DBF4: variants seen among roughly 807,000 people sequenced by gnomAD.
The protein encoded by DBF4 is DBF4-CDC7 kinase regulatory subunit.
Under a neutral mutation model 76.6 loss-of-function variants are expected in DBF4, and 25 were observed. The ratio of observed to expected loss-of-function variants is 0.33; its 90% confidence interval spans 0.24 to 0.46. The LOEUF is 0.46. Ranked by LOEUF, DBF4 falls within the 20% of genes least tolerant of loss-of-function variation. DBF4 has a pLI of 1.00. For missense variants in DBF4, 638 were observed against 760.8 expected, an observed-to-expected ratio of 0.84 and a Z score of 1.90; for synonymous variants, 213 against 258.0, an observed-to-expected ratio of 0.83 and a Z score of 1.67.
chr7:87,876,493 A>G lies in DBF4; in HGVS notation c.-240A>G. 2.2e-6 allele frequency: 1 copy of G among 463,722 alleles called. No individual in the cohort carries two copies. The highest frequency in any genetic ancestry group is 3.9e-6 in the Non-Finnish European group (1 of 258,650). 28.7% of individuals were successfully genotyped at this position (463,722 alleles called of 1,614,324 possible). ...CGCCGCGGCCGCGTGACGCGTTTTC[A>G]AATCTTCAACCGCCGCAGCCCACTC... is the stretch of plus-strand genomic sequence containing the variant. On this transcript the variant is annotated 5_prime_UTR_variant, in exon 1 of 12. Coordinates refer to ENST00000265728, the MANE Select transcript of DBF4 (RefSeq NM_006716.4).
At chr7:87,888,396 T>G (rs1839413180) in intron 6 of DBF4, 1 of 845,708 alleles carries the variant, frequency 1.2e-6, no homozygotes, top group Non-Finnish European at 1.4e-6. Flanking sequence ...TTTTGGAATA[T>G]AAATATGTAC....
chr7:87,908,650 G>A lies in DBF4; in HGVS notation c.*487G>A, dbSNP rs1839967527. ...CACTTGAGGGTCACTGGTGGACCAT[G>A]CTAGTATTTTGGTGCTGAGTAATTA... On this transcript the variant is annotated 3_prime_UTR_variant, in exon 12 of 12. Coordinates refer to ENST00000265728, the MANE Select transcript of DBF4 (RefSeq NM_006716.4). 1 of 152,820 alleles carries A rather than the reference G, an allele frequency of 6.5e-6. No individual in the cohort carries two copies. Among genetic ancestry groups the A allele is most frequent in the African/African-American group, 2.4e-5 (1 of 41,458 alleles). 9.5% of individuals were successfully genotyped at this position (152,820 alleles called of 1,614,324 possible). A position where few individuals can be genotyped will look rare whatever the true frequency, so the allele number is the denominator to read the frequency against.
At chr7:87,892,365 T>G (rs964241811) in intron 6 of DBF4, among the ~76,000 whole-genome samples, 2 of 152,236 alleles carry the variant, frequency 1.3e-5, no homozygotes, top group Non-Finnish European at 2.9e-5. Flanking sequence ...TTGATTGGCT[T>G]CTTTCACTTG....
chr7:87,896,388 T>A (rs1436061405), intron 6 of DBF4, 86 bp from the exon 7 acceptor site: 1 of 1,027,482 alleles, frequency 9.7e-7, no homozygotes, highest in Admixed American at 2.2e-5. Context: ...TGCATGATTT[T>A]TTTATCTTGA....
At chr7:87,901,450 T>TTTA (rs1839787446) in intron 10 of DBF4, among the ~76,000 whole-genome samples, 1 of 152,184 alleles carries the variant, frequency 6.6e-6, no homozygotes, top group African/African-American at 2.4e-5. Flanking sequence ...GTGGATTTGT[T>TTTA]TTAAAGGTGG....
intron 7 of DBF4, among the ~76,000 whole-genome samples, 177 bp downstream of exon 7, chr7:87,896,687 GT>G (rs943000720): frequency 1.3e-5 from 2 of 152,038 alleles, no homozygotes; most frequent in Admixed American, 6.6e-5. Flanking sequence ...TCAGAATGAT[GT>G]TTTTTTTAAA....
At chr7:87,891,104 A>C (rs1839473970) in intron 6 of DBF4, among the ~76,000 whole-genome samples, 1 of 151,838 alleles carries the variant, frequency 6.6e-6, no homozygotes, top group South Asian at 2.1e-4. Flanking sequence ...TCTTATTTAA[A>C]ATATGGTAAT....
Position 87,909,438 on chromosome 7 carries a change from A to G in DBF4, c.*1275A>G, listed in dbSNP as rs1384786847. 6.6e-6 allele frequency: 1 copy of G among 152,152 alleles called. No individual in the cohort carries two copies. Among genetic ancestry groups the G allele is most frequent in the Admixed American group, 6.5e-5 (1 of 15,280 alleles). The allele number at this position is 152,152 out of a possible 1,614,324, so 9.4% of individuals were successfully genotyped here. A position where few individuals can be genotyped will look rare whatever the true frequency, so the allele number is the denominator to read the frequency against. On this transcript the variant is annotated 3_prime_UTR_variant, in exon 12 of 12. Transcript: ENST00000265728. ...TAATTCATATGCTTTTCCTGCATACATTATTTTGATCATTTGGATAACATC... is the reference window on the plus strand; with the variant it reads ...TAATTCATATGCTTTTCCTGCATACGTTATTTTGATCATTTGGATAACATC...
intron 6 of DBF4, among the ~76,000 whole-genome samples, chr7:87,891,645 A>G (rs184952116): frequency 1.3e-5 from 2 of 152,176 alleles, no homozygotes; most frequent in East Asian, 3.9e-4. Context: ...CATTCCTGAT[A>G]ATGCTATTTT....
At chr7:87,899,746 T>C (rs939848495) in intron 8 of DBF4, among the ~76,000 whole-genome samples, 2 of 152,226 alleles carry the variant, frequency 1.3e-5, no homozygotes, top group African/African-American at 4.8e-5. Context: ...CTTTAAGACG[T>C]TATGCTAAGT....
rs928967111 is a variant in DBF4, at chr7:87,885,176, G to A, written c.399+18G>A. On this transcript the variant is annotated intron_variant, in intron 3 of 11. Coordinates refer to ENST00000265728, the MANE Select transcript of DBF4 (RefSeq NM_006716.4). ...CAGACACAGTAAGTCTCTTAAATATGCTTTGAGACTCAGAAGGGCTATATC... is the reference window on the plus strand; with the variant it reads ...CAGACACAGTAAGTCTCTTAAATATACTTTGAGACTCAGAAGGGCTATATC... 1 of 1,572,946 alleles carries A rather than the reference G, an allele frequency of 6.4e-7. No individual in the cohort carries two copies. Among genetic ancestry groups the A allele is most frequent in the Non-Finnish European group, 8.6e-7 (1 of 1,156,070 alleles).
At position 87,876,716 on chromosome 7, in the gene DBF4, G is replaced by A. The variant is rs765787158; in HGVS notation, c.-17G>A. On this transcript the variant is annotated 5_prime_UTR_variant, in exon 1 of 12. An upstream open reading frame in the 5' UTR loses its in-frame stop. Coordinates refer to ENST00000265728, the MANE Select transcript of DBF4 (RefSeq NM_006716.4). ...ACACTTTCTCCGGACCCAGCATGTA[G>A]GTGCCGGGCGACTGCCATGAACTCC... The A allele has an allele frequency of 6.2e-7, 1 of 1,614,022 alleles. No individual in the cohort carries two copies. The highest frequency in any genetic ancestry group is 8.5e-7 in the Non-Finnish European group (1 of 1,179,992).
intron 2 of DBF4, among the ~76,000 whole-genome samples, chr7:87,881,858 T>G (rs150637386): frequency 1.1e-3 from 171 of 152,302 alleles, no homozygotes; most frequent in African/African-American, 3.9e-3. Context: ...TCAACAGAGA[T>G]AAAGTTTGAG....
At chr7:87,879,250 G>A (rs1033890784) in intron 2 of DBF4, among the ~76,000 whole-genome samples, 22 of 152,212 alleles carry the variant, frequency 1.4e-4, no homozygotes, top group Admixed American at 3.9e-4. Flanking sequence ...AGGCCCAGCC[G>A]ATTCCCAGAC....
intron 2 of DBF4, among the ~76,000 whole-genome samples, chr7:87,881,840 G>A (rs1049526222): frequency 2.1e-4 from 32 of 152,164 alleles, no homozygotes; most frequent in African/African-American, 7.0e-4. Flanking sequence ...TAACTCTGCC[G>A]TTTGGAATCA....
Position 87,907,483 on chromosome 7 carries a change from A to G in DBF4, c.1345A>G (p.Thr449Ala). Reference sequence around the variant, plus strand: ...TGAAGATGACATAAGACAGAATTTTACACAGCTACCTCTACATAAAAACAA... The same window carrying G: ...TGAAGATGACATAAGACAGAATTTTGCACAGCTACCTCTACATAAAAACAA... ...TAEDDIRQNF[T>A]QLPLHKNKQE... Residue 449 changes from threonine to alanine, a missense_variant, in exon 12 of 12, where the codon ACA becomes GCA. By Grantham distance (58) the Thr-to-Ala change is moderately conservative. Coordinates refer to ENST00000265728, the MANE Select transcript of DBF4 (RefSeq NM_006716.4). The G allele has an allele frequency of 6.2e-7, 1 of 1,614,022 alleles. No homozygotes were observed.
At chr7:87,877,656 A>G (rs942282317) in intron 1 of DBF4, among the ~76,000 whole-genome samples, 2 of 152,226 alleles carry the variant, frequency 1.3e-5, no homozygotes, top group Non-Finnish European at 2.9e-5. Flanking sequence ...GTAACAGAGG[A>G]TTCTTTCATC....
chr7:87,888,765 A>G (rs1168219481), intron 6 of DBF4, among the ~76,000 whole-genome samples: 1 of 152,160 alleles, frequency 6.6e-6, no homozygotes, highest in East Asian at 1.9e-4. Flanking sequence ...AGTTTTCCAA[A>G]TCATTTTGAT....
intron 11 of DBF4, 39 bp downstream of exon 11, chr7:87,904,455 G>A (rs749395710): frequency 6.3e-7 from 1 of 1,576,676 alleles, no homozygotes; most frequent in East Asian, 2.3e-5. Flanking sequence ...AATTCTACTA[G>A]GCGGCCAGGG....
Sources: allele counts gnomAD v4.1 joint callset (sites outside exome capture counted in the v4.1 genomes callset), GRCh38; gene constraint gnomAD v4.1.1; transcripts MANE v1.5; gene names NCBI Gene and HGNC (gene_info 2026-07-23, HGNC 2026-07-21).